ARPC2: variants seen among roughly 807,000 people sequenced by gnomAD.
ARPC2 encodes actin related protein 2/3 complex subunit 2.
A neutral mutation model predicts 38.6 loss-of-function variants in ARPC2; 4 were observed. That is an observed-to-expected ratio of 0.10 (90% CI 0.05 to 0.24). ARPC2 has a LOEUF of 0.24. Among genes scored for constraint, ARPC2 ranks in the 10% least tolerant of loss-of-function variants. The pLI, the probability that ARPC2 is intolerant of heterozygous loss-of-function variation, is 1.00. For synonymous variants in ARPC2, 125 were observed against 140.8 expected, an observed-to-expected ratio of 0.89 and a Z score of 0.79; for missense variants, 229 against 387.3, an observed-to-expected ratio of 0.59 and a Z score of 3.43.
At chr2:218,244,876 G>GAGAGA (rs1380326595) in intron 7 of ARPC2, among the ~76,000 whole-genome samples, 2 of 152,232 alleles carry the variant, frequency 1.3e-5, no homozygotes, top group Non-Finnish European at 2.9e-5. Flanking sequence ...CTGGCTGAGA[G>GAGAGA]AGAGAAGCCT....
chr2:218,222,377 T>C (rs757096590), intron 2 of ARPC2, among the ~76,000 whole-genome samples: 2 of 152,122 alleles, frequency 1.3e-5, no homozygotes, highest in Non-Finnish European at 2.9e-5. Flanking sequence ...CAGAAGCCCT[T>C]TCTGGATTGA....
intron 6 of ARPC2, 90 bp from the exon 7 acceptor site, chr2:218,239,301 C>T (rs1297530508): frequency 1.5e-5 from 13 of 893,398 alleles, no homozygotes; most frequent in Non-Finnish European, 9.1e-6. Flanking sequence ...AGATTTATGA[C>T]TTTAGCCTTC....
At chr2:218,217,670 C>T (rs1574571402) in intron 2 of ARPC2, 126 bp downstream of exon 2, 3 of 1,037,658 alleles carry the variant, frequency 2.9e-6, no homozygotes, top group African/African-American at 3.2e-5. Context: ...GTAGGGGCTG[C>T]CCCAGCGGGG....
chr2:218,223,702 C>T (rs1409780585), intron 2 of ARPC2, among the ~76,000 whole-genome samples: 1 of 152,154 alleles, frequency 6.6e-6, no homozygotes, highest in Non-Finnish European at 1.5e-5. Flanking sequence ...TGCCTGTGGT[C>T]ACATAGCCAA....
At chr2:218,226,448 T>C (rs1485034268) in intron 3 of ARPC2, among the ~76,000 whole-genome samples, 1 of 151,152 alleles carries the variant, frequency 6.6e-6, no homozygotes, top group Non-Finnish European at 1.5e-5. Flanking sequence ...GCTAACATGA[T>C]GAAACCCTGT....
chr2:218,224,411 A>G (rs1689451652), intron 2 of ARPC2, among the ~76,000 whole-genome samples: 1 of 152,190 alleles, frequency 6.6e-6, no homozygotes, highest in Non-Finnish European at 1.5e-5. Context: ...CTTCCCCAGG[A>G]AAGTATGCTT....
intron 2 of ARPC2, among the ~76,000 whole-genome samples, chr2:218,222,433 T>C (rs927211896): frequency 1.3e-5 from 2 of 151,996 alleles, no homozygotes; most frequent in East Asian, 1.9e-4. Flanking sequence ...TAGAAGAAAA[T>C]TTTTTCTAAA....
At position 218,246,218 on chromosome 2, in the gene ARPC2, CAAAA is replaced by C. The variant is rs147821442; in HGVS notation, c.676+684_676+687del. Among the ~76,000 whole-genome samples, 436 of 116,304 alleles carry C rather than the reference CAAAA, an allele frequency of 3.7e-3. 2 individuals carry two copies. The highest frequency in any genetic ancestry group is 0.013 in the African/African-American group (404 of 31,338). 76.3% of individuals were successfully genotyped at this position (116,304 alleles called of 152,430 possible). On this transcript the variant is annotated intron_variant, in intron 8 of 10. Transcript: ENST00000315717. The stretch of plus-strand genomic sequence containing the variant: ...GGCAACAGAACAAGACTCTTGTCTC[CAAAA>C]AAAAAAAAAAAGAGTTGAGGCTGGG...
At chr2:218,239,925 A>G (rs977509130) in intron 7 of ARPC2, among the ~76,000 whole-genome samples, 1 of 147,048 alleles carries the variant, frequency 6.8e-6, no homozygotes, top group African/African-American at 2.5e-5. Context: ...TTAATAGACA[A>G]CTCCCACAAA....
chr2:218,229,479 G>T (rs1689581505), intron 4 of ARPC2, among the ~76,000 whole-genome samples: 1 of 152,220 alleles, frequency 6.6e-6, no homozygotes. Context: ...ACCAGTTTGT[G>T]CACGCTGTGG....
intron 2 of ARPC2, among the ~76,000 whole-genome samples, chr2:218,222,694 TAGG>T (rs1427036776): frequency 6.6e-6 from 1 of 152,176 alleles, no homozygotes; most frequent in Non-Finnish European, 1.5e-5. Flanking sequence ...TGACTCCACC[TAGG>T]AGAAGAACTA....
intron 2 of ARPC2, among the ~76,000 whole-genome samples, chr2:218,221,879 G>C (rs1188633366): frequency 6.6e-6 from 1 of 152,180 alleles, no homozygotes; most frequent in Non-Finnish European, 1.5e-5. Context: ...ATTTAAAGGA[G>C]AATGCTCAGA....
At chr2:218,228,498 A>T (rs796320040) in intron 3 of ARPC2, among the ~76,000 whole-genome samples, 1 of 152,326 alleles carries the variant, frequency 6.6e-6, no homozygotes, top group African/African-American at 2.4e-5. Flanking sequence ...TTATTTCAGC[A>T]CCAAGCTGTG....
intron 2 of ARPC2, among the ~76,000 whole-genome samples, chr2:218,223,114 C>T (rs1689421815): frequency 6.6e-6 from 1 of 152,212 alleles, no homozygotes; most frequent in African/African-American, 2.4e-5. Context: ...GTTTTGCTTT[C>T]TGCAGTTTCA....
At chr2:218,231,773 A>G (rs547767719) in intron 4 of ARPC2, among the ~76,000 whole-genome samples, 7 of 152,294 alleles carry the variant, frequency 4.6e-5, no homozygotes, top group South Asian at 2.1e-4. Flanking sequence ...TCTTCCAGCT[A>G]TAGGAAAATG....
intron 3 of ARPC2, 49 bp downstream of exon 3, chr2:218,226,003 A>G: frequency 1.9e-6 from 3 of 1,593,606 alleles, no homozygotes; most frequent in Non-Finnish European, 2.6e-6. Context: ...AATATGAAAA[A>G]TAGGAAATAG....
chr2:218,237,946 T>TA (rs1480056261), intron 5 of ARPC2, among the ~76,000 whole-genome samples: 9 of 152,226 alleles, frequency 5.9e-5, no homozygotes, highest in African/African-American at 2.2e-4. Context: ...GCCCTACACT[T>TA]ATGTGTCATG....
At chr2:218,226,076 C>G in intron 3 of ARPC2, 122 bp downstream of exon 3, 2 of 929,476 alleles carry the variant, frequency 2.2e-6, no homozygotes, top group Non-Finnish European at 3.4e-6. Flanking sequence ...AGGTGGATCA[C>G]CTGATGTCAA....
chr2:218,231,610 G>C (rs9288537), intron 4 of ARPC2, among the ~76,000 whole-genome samples: 138,444 of 152,154 alleles, frequency 0.91, 64,285 homozygotes, highest in East Asian at 1. Context: ...GTGCCACCAA[G>C]AAACTCTCGT....
Sources: gnomAD v4.1 joint callset for allele counts (sites outside exome capture counted in the v4.1 genomes callset) on GRCh38, gnomAD v4.1.1 for gene constraint, MANE v1.5 for transcripts, NCBI Gene and HGNC (gene_info 2026-07-23, HGNC 2026-07-21) for gene names.